Variants in EPRS1 observed in about 807,000 individuals in gnomAD.
The protein encoded by EPRS1 is bifunctional glutamate/proline--tRNA ligase.
A neutral mutation model predicts 188.3 loss-of-function variants in EPRS1; 107 were observed. The ratio of observed to expected loss-of-function variants is 0.57; its 90% confidence interval spans 0.49 to 0.67. The LOEUF (loss-of-function observed/expected upper bound fraction) is 0.67, where lower values mean the gene tolerates loss of function less well. Ranked by LOEUF, EPRS1 falls within the 30% of genes least tolerant of loss-of-function variation. The pLI, the probability that EPRS1 is intolerant of heterozygous loss-of-function variation, is 0.00. For missense variants in EPRS1, 1,577 were observed against 1,802.2 expected, an observed-to-expected ratio of 0.88 and a Z score of 2.26; for synonymous variants, 596 against 593.1, an observed-to-expected ratio of 1.00 and a Z score of -0.07.
At chr1:219,997,419 T>A (rs1025243926) in intron 17 of EPRS1, 77 bp from the exon 18 acceptor site, 1 of 1,243,578 alleles carries the variant, frequency 8.0e-7, no homozygotes, top group Non-Finnish European at 1.1e-6. Flanking sequence ...TCAAACTGAT[T>A]GTTTTATAAT....
chr1:219,983,328 T>C lies in EPRS1; in HGVS notation c.3161A>G (p.Tyr1054Cys), dbSNP rs146881805. 2.4e-5 allele frequency: 38 copies of C among 1,613,924 alleles called. No individual in the cohort carries two copies. Among genetic ancestry groups the C allele is most frequent in the African/African-American group, 4.0e-5 (3 of 74,946 alleles). ...SGCYILRPWA[Y>C]AIWEAIKDFF... ...GTCCTTGATGGCTTCCCAAATGGCA[T>C]AGGCCCAGGGACGAAGAATATAACA... Residue 1054 changes from tyrosine to cysteine, a missense_variant, in exon 22 of 32, where the codon TAT becomes TGT. Coordinates refer to ENST00000366923, the MANE Select transcript of EPRS1 (RefSeq NM_004446.3).
chr1:219,982,180 C>G (rs1018732958), intron 23 of EPRS1, among the ~76,000 whole-genome samples: 6 of 152,172 alleles, frequency 3.9e-5, no homozygotes, highest in African/African-American at 1.4e-4. Context: ...TGAATGATCA[C>G]TTTGAAAGAC....
intron 21 of EPRS1, among the ~76,000 whole-genome samples, chr1:219,983,845 A>G (rs1318507006): frequency 6.6e-6 from 1 of 150,546 alleles, no homozygotes; most frequent in East Asian, 2.0e-4. Flanking sequence ...GTGAGCCAAG[A>G]TCGCACCACT....
intron 12 of EPRS1, 24 bp from the exon 13 acceptor site, chr1:220,011,080 T>A: frequency 1.5e-6 from 2 of 1,298,074 alleles, no homozygotes; most frequent in Non-Finnish European, 2.2e-6. Context: ...ATCCTCATGT[T>A]AAAACACTGC....
intron 1 of EPRS1, among the ~76,000 whole-genome samples, chr1:220,046,075 C>T (rs912701473): frequency 6.6e-6 from 1 of 152,160 alleles, no homozygotes; most frequent in African/African-American, 2.4e-5. Context: ...GAAAAAGATC[C>T]GAAGCGGAGT....
At chr1:220,012,311 T>C (rs1381230991) in intron 12 of EPRS1, among the ~76,000 whole-genome samples, 1 of 152,224 alleles carries the variant, frequency 6.6e-6, no homozygotes, top group Non-Finnish European at 1.5e-5. Flanking sequence ...ATTTAATTCG[T>C]GACTGACTAC....
At chr1:220,009,417 C>A (rs772007161) in intron 13 of EPRS1, among the ~76,000 whole-genome samples, 1 of 152,154 alleles carries the variant, frequency 6.6e-6, no homozygotes, top group Non-Finnish European at 1.5e-5. Flanking sequence ...TTATAGACAA[C>A]TTGTAAAGCT....
In EPRS1 at chr1:219,968,637, A is replaced by T; in HGVS notation, c.*169T>A. On this transcript the variant is annotated 3_prime_UTR_variant, in exon 32 of 32. Transcript: ENST00000366923. The stretch of plus-strand genomic sequence containing the variant: ...ATTTATTACTGGAGTTGTTTACAGA[A>T]AAGTCTTTTATCCACTGTTAACTTA... 1.7e-6 allele frequency: 1 copy of T among 597,004 alleles called. No homozygotes were observed. The highest frequency in any genetic ancestry group is 2.9e-6 in the Non-Finnish European group (1 of 339,438). 37.0% of individuals were successfully genotyped at this position (597,004 alleles called of 1,614,324 possible). A position where few individuals can be genotyped will look rare whatever the true frequency, so the allele number is the denominator to read the frequency against.
chr1:220,038,321 A>G (rs577296728), intron 2 of EPRS1, among the ~76,000 whole-genome samples: 232 of 149,946 alleles, frequency 1.5e-3, no homozygotes, highest in Non-Finnish European at 2.1e-3. Context: ...ACCTCAGGTG[A>G]TCTGTCTGCC....
At chr1:220,011,090 C>T (rs372082086) in intron 12 of EPRS1, 34 bp from the exon 13 acceptor site, 123 of 1,220,850 alleles carry the variant, frequency 1.0e-4, no homozygotes, top group African/African-American at 8.0e-4. Flanking sequence ...TAAAACACTG[C>T]GATATCTTAT....
intron 10 of EPRS1, among the ~76,000 whole-genome samples, chr1:220,019,591 T>C (rs1661819831): frequency 6.6e-6 from 1 of 152,218 alleles, no homozygotes; most frequent in South Asian, 2.1e-4. Flanking sequence ...GATAAACTTT[T>C]ACATCTTCAC....
At chr1:219,998,482 A>G (rs1036629324) in intron 17 of EPRS1, among the ~76,000 whole-genome samples, 4 of 152,106 alleles carry the variant, frequency 2.6e-5, no homozygotes, top group Admixed American at 2.6e-4. Flanking sequence ...AAATGCATAT[A>G]CATTAAATAA....
At chr1:220,034,707 C>T (rs2577136) in intron 3 of EPRS1, among the ~76,000 whole-genome samples, 121,969 of 152,070 alleles carry the variant, frequency 0.8, 49,081 homozygotes, top group East Asian at 0.93. Context: ...TGGTAGGGGA[C>T]TAAAGGTTCA....
intron 28 of EPRS1, among the ~76,000 whole-genome samples, chr1:219,975,229 A>G (rs2102560265): frequency 6.6e-6 from 1 of 152,324 alleles, no homozygotes; most frequent in East Asian, 1.9e-4. Flanking sequence ...ACAGCTTTGC[A>G]TAGAGTGACA....
intron 21 of EPRS1, among the ~76,000 whole-genome samples, chr1:219,983,885 T>G (rs1234878885): frequency 4.1e-5 from 4 of 98,664 alleles, no homozygotes; most frequent in Non-Finnish European, 7.9e-5. Context: ...AGACTGATAC[T>G]CCCGTCTCAA....
Position 219,997,187 on chromosome 1 carries a change from T to C in EPRS1, c.2337A>G (p.Ala779=), listed in dbSNP as rs747126479. The change falls in exon 18 of 32, where the codon GCA becomes GCG. Residue 779 remains alanine (A), a synonymous_variant. Coordinates refer to ENST00000366923, the MANE Select transcript of EPRS1 (RefSeq NM_004446.3). ...TCAAAGACAAAAGCTGTTTTACAGC[T>C]GCATCTACATCTTCCTTTGGTGCTT... ...AKKAPKEDVD[A]AVKQLLSLKA... 3.1e-6 allele frequency: 5 copies of C among 1,614,108 alleles called. No individual in the cohort carries two copies. In the Admixed American group the frequency reaches 5.0e-5, roughly 16 times the overall value.
chr1:220,038,796 T>C (rs987124760), intron 2 of EPRS1, among the ~76,000 whole-genome samples: 25 of 151,890 alleles, frequency 1.6e-4, no homozygotes, highest in Admixed American at 1.2e-3. Flanking sequence ...GGGAGCAACA[T>C]TAAAGGAAGA....
chr1:219,990,985 G>A (rs1000210519), intron 18 of EPRS1, among the ~76,000 whole-genome samples: 1 of 152,128 alleles, frequency 6.6e-6, no homozygotes, highest in Non-Finnish European at 1.5e-5. Context: ...AATTGCTGAT[G>A]TGGATTAATG....
intron 5 of EPRS1, 73 bp from the exon 6 acceptor site, chr1:220,030,553 T>C: frequency 9.4e-7 from 1 of 1,067,788 alleles, no homozygotes; most frequent in Middle Eastern, 2.0e-4. Flanking sequence ...ATTCAACAAA[T>C]GTGCCAGGCA....
Sources: gnomAD v4.1 joint callset for allele counts (sites outside exome capture counted in the v4.1 genomes callset) on GRCh38, gnomAD v4.1.1 for gene constraint, MANE v1.5 for transcripts, NCBI Gene and HGNC (gene_info 2026-07-23, HGNC 2026-07-21) for gene names.